Variants in THSD7B observed in about 807,000 individuals in gnomAD.
The protein encoded by THSD7B is thrombospondin type 1 domain containing 7B.
THSD7B carries 138 observed loss-of-function variants against 213.6 expected under a neutral mutation model. That is an observed-to-expected ratio of 0.65 (90% confidence interval 0.56 to 0.74). THSD7B has a LOEUF of 0.74. Among genes scored for constraint, THSD7B ranks in the 30% least tolerant of loss-of-function variants. The pLI, the probability that THSD7B is intolerant of heterozygous loss-of-function variation, is 0.00. For synonymous variants in THSD7B, 742 were observed against 687.0 expected, an observed-to-expected ratio of 1.08 and a Z score of -1.25; for missense variants, 1,931 against 1,991.5, an observed-to-expected ratio of 0.97 and a Z score of 0.58.
At chr2:137,451,137 T>G in intron 15 of THSD7B, 114 bp downstream of exon 15, 1 of 1,155,924 alleles carries the variant, frequency 8.7e-7, no homozygotes. Context: ...GTTATCACAA[T>G]GTCAGAAGAA....
At chr2:137,365,360 G>A (rs1279961110) in intron 12 of THSD7B, among the ~76,000 whole-genome samples, 2 of 152,120 alleles carry the variant, frequency 1.3e-5, no homozygotes, top group Non-Finnish European at 2.9e-5. Context: ...AACACCAAAA[G>A]CAATGGCAAC....
At chr2:137,473,102 T>C (rs1688123732) in intron 15 of THSD7B, among the ~76,000 whole-genome samples, 2 of 151,762 alleles carry the variant, frequency 1.3e-5, no homozygotes, top group Non-Finnish European at 2.9e-5. Flanking sequence ...TGTTTTTTTT[T>C]TTTTTGAGTA....
intron 3 of THSD7B, among the ~76,000 whole-genome samples, chr2:137,065,859 A>G (rs1241748965): frequency 6.6e-6 from 1 of 152,148 alleles, no homozygotes; most frequent in Admixed American, 6.6e-5. Flanking sequence ...CCCTTGCATC[A>G]TAGCTGTAAT....
chr2:136,825,718 A>ATTTTTTTTTTTGTTTGTTTTTTT (rs1682635243), intron 1 of THSD7B, among the ~76,000 whole-genome samples: 5 of 116,894 alleles, frequency 4.3e-5, no homozygotes, highest in Non-Finnish European at 6.7e-5. Flanking sequence ...TGCCTGGCTA[A>ATTTTTTTTTTTGTTTGTTTTTTT]TTTTTTTTTT....
Position 137,120,365 on chromosome 2 carries a change from G to T in THSD7B, c.1369+5072G>T, listed in dbSNP as rs757826010. On this transcript the variant is annotated intron_variant, in intron 5 of 27. Coordinates refer to ENST00000409968, the MANE Select transcript of THSD7B (RefSeq NM_001316349.2). Reference sequence around the variant, plus strand: ...TGGGGAGGGGAGGGAATGAGAAGATGGGTGAAGACAAGCAGTTACTCCAGT... The same window carrying T: ...TGGGGAGGGGAGGGAATGAGAAGATTGGTGAAGACAAGCAGTTACTCCAGT... 2.6e-4 allele frequency among the ~76,000 whole-genome samples: 40 copies of T among 151,974 alleles called. 1 individual carries two copies. In the Middle Eastern group the frequency reaches 0.017, roughly 65 times the overall value.
chr2:137,257,131 G>A (rs572413365), intron 10 of THSD7B, among the ~76,000 whole-genome samples: 1 of 152,284 alleles, frequency 6.6e-6, no homozygotes, highest in Admixed American at 6.5e-5. Flanking sequence ...ACCTCTTAAA[G>A]GAGCCACCTC....
intron 1 of THSD7B, among the ~76,000 whole-genome samples, chr2:136,842,345 A>G (rs1682933045): frequency 1.3e-5 from 2 of 152,216 alleles, no homozygotes; most frequent in Admixed American, 1.3e-4. Context: ...CTTGTCCAAA[A>G]ATAATTGATT....
intron 26 of THSD7B, among the ~76,000 whole-genome samples, chr2:137,666,984 G>A (rs1683460519): frequency 6.6e-6 from 1 of 152,008 alleles, no homozygotes; most frequent in Non-Finnish European, 1.5e-5. Flanking sequence ...TAACTTGTTT[G>A]GTCATGTGGT....
chr2:137,623,125 C>T (rs1682553867), intron 20 of THSD7B, among the ~76,000 whole-genome samples: 1 of 152,172 alleles, frequency 6.6e-6, no homozygotes, highest in Non-Finnish European at 1.5e-5. Flanking sequence ...AAAAGCTTAC[C>T]TACCACGATC....
chr2:137,281,471 A>C (rs1683011068), intron 12 of THSD7B, among the ~76,000 whole-genome samples: 1 of 151,862 alleles, frequency 6.6e-6, no homozygotes, highest in Non-Finnish European at 1.5e-5. Context: ...GGTTTGTTAC[A>C]TATGTATACA....
chr2:136,931,967 T>C (rs1463061957), intron 2 of THSD7B, among the ~76,000 whole-genome samples: 1 of 152,228 alleles, frequency 6.6e-6, no homozygotes, highest in African/African-American at 2.4e-5. Flanking sequence ...TTACCTTTAA[T>C]GCAGATTTAC....
intron 2 of THSD7B, among the ~76,000 whole-genome samples, chr2:136,916,694 G>T (rs564102013): frequency 1.3e-5 from 2 of 152,264 alleles, no homozygotes; most frequent in South Asian, 4.1e-4. Context: ...TAGTTTTCTG[G>T]AGTCTCTTAC....
chr2:137,515,506 A>G (rs1680050955), intron 15 of THSD7B, among the ~76,000 whole-genome samples: 1 of 152,166 alleles, frequency 6.6e-6, no homozygotes, highest in Admixed American at 6.6e-5. Flanking sequence ...GTGACCCACA[A>G]GGAGGTACAT....
intron 2 of THSD7B, among the ~76,000 whole-genome samples, chr2:136,887,304 G>GTGTA (rs1228601535): frequency 8.0e-6 from 1 of 125,422 alleles, no homozygotes; most frequent in Non-Finnish European, 1.7e-5. Flanking sequence ...TATTTGTTGT[G>GTGTA]TGTGTGTGTG....
At chr2:136,944,747 TC>T (rs1684901910) in intron 2 of THSD7B, among the ~76,000 whole-genome samples, 2 of 150,258 alleles carry the variant, frequency 1.3e-5, no homozygotes, top group African/African-American at 4.9e-5. Context: ...GCTTGGTAGA[TC>T]TTCCTCCATC....
intron 2 of THSD7B, among the ~76,000 whole-genome samples, chr2:136,907,526 A>C (rs778615072): frequency 9.9e-5 from 15 of 152,228 alleles, no homozygotes; most frequent in Non-Finnish European, 1.5e-4. Context: ...AACAGAAAAA[A>C]TTCAAAACAA....
intron 2 of THSD7B, among the ~76,000 whole-genome samples, chr2:136,950,292 TA>T (rs1685014192): frequency 6.6e-6 from 1 of 151,934 alleles, no homozygotes; most frequent in Non-Finnish European, 1.5e-5. Context: ...TAAATAAAAA[TA>T]AACACAAACC....
intron 7 of THSD7B, among the ~76,000 whole-genome samples, chr2:137,201,842 G>T (rs1444939320): frequency 6.6e-6 from 1 of 152,092 alleles, no homozygotes; most frequent in East Asian, 1.9e-4. Flanking sequence ...CTCATTTGTG[G>T]TTTAATTTAC....
At chr2:137,552,817 A>G (rs567049172) in intron 15 of THSD7B, among the ~76,000 whole-genome samples, 1 of 152,352 alleles carries the variant, frequency 6.6e-6, no homozygotes, top group African/African-American at 2.4e-5. Context: ...TGATTGAATA[A>G]GAAAAGGGTC....
Sources: gnomAD v4.1 joint callset for allele counts (sites outside exome capture counted in the v4.1 genomes callset) on GRCh38, gnomAD v4.1.1 for gene constraint, MANE v1.5 for transcripts, NCBI Gene and HGNC (gene_info 2026-07-23, HGNC 2026-07-21) for gene names.